The following SLC25A21 variants were observed in gnomAD, a reference collection of about 807,000 sequenced individuals.
The protein encoded by SLC25A21 is solute carrier family 25 member 21.
In SLC25A21, 47 loss-of-function variants were observed where a neutral mutation model predicts 43.8. The observed-to-expected ratio is 1.07, with a 90% CI of 0.85 to 1.37. SLC25A21 has a LOEUF of 1.37. SLC25A21 is among the 40% of genes most tolerant of loss of function. The pLI is 0.00. For missense variants in SLC25A21, 352 were observed against 350.2 expected, an observed-to-expected ratio of 1.00 and a Z score of -0.04; for synonymous variants, 131 against 121.3, an observed-to-expected ratio of 1.08 and a Z score of -0.52.
At chr14:36,944,616 A>C (rs1385760295) in intron 1 of SLC25A21, among the ~76,000 whole-genome samples, 2 of 152,204 alleles carry the variant, frequency 1.3e-5, no homozygotes, top group Non-Finnish European at 2.9e-5. Context: ...TAAACAAGTG[A>C]CTACGAATGT....
At chr14:36,840,091 G>A (rs2138496570) in intron 2 of SLC25A21, among the ~76,000 whole-genome samples, 1 of 152,288 alleles carries the variant, frequency 6.6e-6, no homozygotes, top group South Asian at 2.1e-4. Flanking sequence ...GCAGCACACA[G>A]GTGGCCTTCC....
intron 1 of SLC25A21, among the ~76,000 whole-genome samples, chr14:37,020,673 G>A (rs1042619210): frequency 6.6e-6 from 1 of 151,914 alleles, no homozygotes; most frequent in Non-Finnish European, 1.5e-5. Context: ...TCCACTGGCT[G>A]TATCCTGTGG....
rs1884216 is a variant in SLC25A21, at chr14:36,679,967, C to A, written c.*691G>T. On this transcript the variant is annotated 3_prime_UTR_variant, in exon 10 of 10. Coordinates refer to ENST00000331299, the MANE Select transcript of SLC25A21 (RefSeq NM_030631.4). ...ACATGCTTAAACAACAGTGTTTTAACATTCTGTTTTAAACAATGTTTTAAA... is the reference window on the plus strand; with the variant it reads ...ACATGCTTAAACAACAGTGTTTTAAAATTCTGTTTTAAACAATGTTTTAAA... 0.46 allele frequency: 377,016 copies of A among 816,868 alleles called. 92,149 individuals carry two copies. The highest frequency in any genetic ancestry group is 0.61 in the Admixed American group (9,679 of 15,938). 50.6% of individuals were successfully genotyped at this position (816,868 alleles called of 1,614,324 possible). A position where few individuals can be genotyped will look rare whatever the true frequency, so the allele number is the denominator to read the frequency against.
chr14:36,973,660 T>C (rs975544490), intron 1 of SLC25A21, among the ~76,000 whole-genome samples: 1 of 152,210 alleles, frequency 6.6e-6, no homozygotes, highest in Non-Finnish European at 1.5e-5. Flanking sequence ...AAACATTATA[T>C]AAGACAATAG....
intron 2 of SLC25A21, among the ~76,000 whole-genome samples, chr14:36,825,018 G>A (rs567702320): frequency 6.6e-6 from 1 of 152,218 alleles, no homozygotes; most frequent in Admixed American, 6.5e-5. Flanking sequence ...TTCAGATGCA[G>A]GTCTGTTTGG....
At chr14:37,138,776 A>T (rs1264803469) in intron 1 of SLC25A21, among the ~76,000 whole-genome samples, 2 of 152,106 alleles carry the variant, frequency 1.3e-5, no homozygotes, top group African/African-American at 4.8e-5. Context: ...TAAAGAAAAA[A>T]TTAGTTCTGA....
At chr14:36,818,120 T>C (rs1316143045) in intron 2 of SLC25A21, among the ~76,000 whole-genome samples, 2 of 152,132 alleles carry the variant, frequency 1.3e-5, no homozygotes, top group African/African-American at 4.8e-5. Context: ...AAAACTATTG[T>C]TTAGAAATAG....
chr14:36,696,665 A>G lies in SLC25A21; in HGVS notation c.604-11740T>C, dbSNP rs1594497203. On this transcript the variant is annotated intron_variant, in intron 7 of 9. Coordinates refer to ENST00000331299, the MANE Select transcript of SLC25A21 (RefSeq NM_030631.4). The stretch of plus-strand genomic sequence containing the variant: ...GGTGTATGTGTCCAGGAATTTATCC[A>G]TTTCTTCTAGATTTTCTAGTTTATT... 2.0e-5 allele frequency among the ~76,000 whole-genome samples: 3 copies of G among 152,034 alleles called. No homozygotes were observed. In the South Asian group the frequency reaches 6.2e-4, roughly 32 times the overall value.
At chr14:37,081,950 T>A in intron 1 of SLC25A21, among the ~76,000 whole-genome samples, 1 of 152,156 alleles carries the variant, frequency 6.6e-6, no homozygotes, top group East Asian at 1.9e-4. Context: ...GAAAACTGTA[T>A]AACCATATAT....
chr14:37,082,538 A>C (rs1854379449), intron 1 of SLC25A21, among the ~76,000 whole-genome samples: 1 of 152,184 alleles, frequency 6.6e-6, no homozygotes, highest in Non-Finnish European at 1.5e-5. Flanking sequence ...TCAGAAATGA[A>C]AGGGGAGTGA....
intron 1 of SLC25A21, among the ~76,000 whole-genome samples, chr14:36,991,579 A>C (rs1484378313): frequency 6.6e-6 from 1 of 152,188 alleles, no homozygotes; most frequent in Non-Finnish European, 1.5e-5. Context: ...CAAGAACCTG[A>C]GAAGGGAGGT....
chr14:36,898,951 G>A (rs779345297), intron 1 of SLC25A21, among the ~76,000 whole-genome samples: 2 of 152,130 alleles, frequency 1.3e-5, no homozygotes, highest in Non-Finnish European at 2.9e-5. Context: ...ACACAAAAAC[G>A]GTAACTATGT....
chr14:36,925,797 A>G (rs2138630370), intron 1 of SLC25A21, among the ~76,000 whole-genome samples: 1 of 152,330 alleles, frequency 6.6e-6, no homozygotes, highest in Middle Eastern at 3.4e-3. Context: ...TAGTGGGCTG[A>G]GATCGTGCCA....
At chr14:36,990,160 C>A (rs1228474169) in intron 1 of SLC25A21, among the ~76,000 whole-genome samples, 3 of 152,116 alleles carry the variant, frequency 2.0e-5, no homozygotes, top group Non-Finnish European at 4.4e-5. Context: ...GTGGAATCTG[C>A]CACCTGAGAT....
chr14:37,167,903 C>A (rs962950655), intron 1 of SLC25A21, among the ~76,000 whole-genome samples: 1 of 152,060 alleles, frequency 6.6e-6, no homozygotes, highest in Non-Finnish European at 1.5e-5. Flanking sequence ...CCGCTCCCCC[C>A]ACCCCCTAAT....
intron 1 of SLC25A21, among the ~76,000 whole-genome samples, chr14:37,077,683 A>G (rs547527010): frequency 2.6e-5 from 4 of 152,208 alleles, no homozygotes; most frequent in Non-Finnish European, 5.9e-5. Flanking sequence ...AATATTTCCT[A>G]AAGAAAAAGA....
At chr14:37,045,002 G>T (rs1961557288) in intron 1 of SLC25A21, among the ~76,000 whole-genome samples, 3 of 152,044 alleles carry the variant, frequency 2.0e-5, no homozygotes, top group Non-Finnish European at 4.4e-5. Flanking sequence ...ATTTTCTTTT[G>T]GAGATGAAAA....
chr14:37,016,746 C>T (rs751700126), intron 1 of SLC25A21, among the ~76,000 whole-genome samples: 8 of 152,112 alleles, frequency 5.3e-5, no homozygotes, highest in Non-Finnish European at 1.2e-4. Flanking sequence ...AAATCTATTG[C>T]TTACTGTAGC....
intron 2 of SLC25A21, among the ~76,000 whole-genome samples, chr14:36,873,442 T>G (rs1890431393): frequency 6.6e-6 from 1 of 151,938 alleles, no homozygotes; most frequent in African/African-American, 2.4e-5. Flanking sequence ...ATTACAGGGG[T>G]GTGCCACCAT....
Sources: gnomAD v4.1 joint callset for allele counts (sites outside exome capture counted in the v4.1 genomes callset) on GRCh38, gnomAD v4.1.1 for gene constraint, MANE v1.5 for transcripts, NCBI Gene and HGNC (gene_info 2026-07-23, HGNC 2026-07-21) for gene names.